The following AGBL1 variants were observed in gnomAD, a reference collection of about 807,000 sequenced individuals.
AGBL1 encodes AGBL carboxypeptidase 1.
AGBL1 carries 130 observed loss-of-function variants against 118.9 expected under a neutral mutation model. The ratio of observed to expected loss-of-function variants is 1.09; its 90% CI spans 0.95 to 1.26. The LOEUF is 1.26. AGBL1 is among the 50% of genes most tolerant of loss of function. AGBL1 has a pLI of 0.00. For synonymous variants in AGBL1, 555 were observed against 478.9 expected (o/e 1.16, Z -2.08); for missense variants, 1,584 against 1,298.1 (o/e 1.22, Z -3.38).
At chr15:86,159,306 A>G (rs1180206822) in intron 5 of AGBL1, among the ~76,000 whole-genome samples, 2 of 152,196 alleles carry the variant, frequency 1.3e-5, no homozygotes, top group Non-Finnish European at 2.9e-5. Flanking sequence ...TCCCTGTGGT[A>G]GCAAATAGTA....
At chr15:86,978,810 A>G (rs1166930488) in intron 23 of AGBL1, among the ~76,000 whole-genome samples, 1 of 152,158 alleles carries the variant, frequency 6.6e-6, no homozygotes, top group Non-Finnish European at 1.5e-5. Context: ...GCCTCTTACT[A>G]TGTCTTGTCA....
intron 21 of AGBL1, among the ~76,000 whole-genome samples, chr15:86,644,968 C>T (rs903999202): frequency 2.6e-5 from 4 of 151,684 alleles, no homozygotes; most frequent in South Asian, 4.2e-4. Context: ...TTGCAGCGAG[C>T]GGAGATCAAG....
At chr15:86,813,992 A>C (rs908731976) in intron 22 of AGBL1, among the ~76,000 whole-genome samples, 8 of 152,180 alleles carry the variant, frequency 5.3e-5, no homozygotes, top group African/African-American at 1.7e-4. Context: ...TCCCTGTCTC[A>C]TCTGCCAACT....
chr15:86,833,198 C>G (rs1188224962), intron 22 of AGBL1, among the ~76,000 whole-genome samples: 5 of 152,194 alleles, frequency 3.3e-5, no homozygotes, highest in East Asian at 2.0e-4. Flanking sequence ...TGGGACCCAG[C>G]CAAACCATAT....
At chr15:86,405,430 G>T (rs1245846385) in intron 18 of AGBL1, among the ~76,000 whole-genome samples, 1 of 151,936 alleles carries the variant, frequency 6.6e-6, no homozygotes, top group Non-Finnish European at 1.5e-5. Flanking sequence ...ACAGGAGAAT[G>T]GCATGAACCT....
At chr15:86,445,953 A>G (rs1296089706) in intron 18 of AGBL1, among the ~76,000 whole-genome samples, 1 of 152,208 alleles carries the variant, frequency 6.6e-6, no homozygotes, top group Non-Finnish European at 1.5e-5. Context: ...GTCAAAGAAC[A>G]TCTGTTATCC....
intron 18 of AGBL1, among the ~76,000 whole-genome samples, chr15:86,461,576 A>G (rs1792487449): frequency 6.6e-6 from 1 of 152,234 alleles, no homozygotes; most frequent in African/African-American, 2.4e-5. Context: ...ACGGCAATAT[A>G]TAAATGCTGA....
chr15:86,371,654 T>C (rs1399816860), intron 17 of AGBL1, among the ~76,000 whole-genome samples: 1 of 152,180 alleles, frequency 6.6e-6, no homozygotes, highest in Non-Finnish European at 1.5e-5. Context: ...TGTGAGGTTT[T>C]GGGGTCAAGA....
rs572568987 is a variant in AGBL1, at chr15:86,783,876, C to T, written c.3158+109440C>T. On this transcript the variant is annotated intron_variant, in intron 22 of 22. Coordinates refer to ENST00000614907, the MANE Select transcript of AGBL1 (RefSeq NM_001386094.1). ...GAATTCCTGACCTCAGGTGATTTGC[C>T]CACCTTGGCCTCCCAAAGTGCTGGG... Among the ~76,000 whole-genome samples, 76 of 152,236 alleles carry T rather than the reference C, an allele frequency of 5.0e-4. 1 individual carries two copies. Among genetic ancestry groups the T allele is most frequent in the African/African-American group, 1.8e-3 (74 of 41,556 alleles).
At chr15:86,822,793 A>G (rs374986043) in intron 22 of AGBL1, among the ~76,000 whole-genome samples, 2 of 152,114 alleles carry the variant, frequency 1.3e-5, no homozygotes, top group East Asian at 3.9e-4. Context: ...TACCCCTCAG[A>G]CCTAGCTAAA....
chr15:86,968,373 G>T (rs1158550517), intron 23 of AGBL1, among the ~76,000 whole-genome samples: 1 of 151,868 alleles, frequency 6.6e-6, no homozygotes, highest in Non-Finnish European at 1.5e-5. Context: ...GGAAAAAAAC[G>T]ACTTCTAAGC....
intron 17 of AGBL1, among the ~76,000 whole-genome samples, chr15:86,359,964 T>C (rs1422433824): frequency 6.6e-6 from 1 of 151,982 alleles, no homozygotes; most frequent in Non-Finnish European, 1.5e-5. Context: ...GTTTTCTACA[T>C]ATATATCATC....
At chr15:87,030,583 G>A (rs1394537839), downstream of AGBL1, among the ~76,000 whole-genome samples, 1 of 151,930 alleles carries the variant, frequency 6.6e-6, no homozygotes, top group East Asian at 1.9e-4. Context: ...GGAAAGAGTA[G>A]AGAAAATGAT....
intron 18 of AGBL1, among the ~76,000 whole-genome samples, chr15:86,482,616 C>T (rs1043874251): frequency 6.6e-6 from 1 of 151,878 alleles, no homozygotes; most frequent in Non-Finnish European, 1.5e-5. Context: ...GTGTGAAGAC[C>T]GTCTACTTGA....
chr15:86,256,699 G>A (rs1316631885), intron 7 of AGBL1, among the ~76,000 whole-genome samples, 154 bp from the exon 8 acceptor site: 1 of 152,226 alleles, frequency 6.6e-6, no homozygotes, highest in African/African-American at 2.4e-5. Flanking sequence ...TCTACATTAA[G>A]GCTGTTTACG....
At chr15:86,963,046 A>C (rs999917799) in intron 23 of AGBL1, among the ~76,000 whole-genome samples, 2 of 152,120 alleles carry the variant, frequency 1.3e-5, no homozygotes, top group Non-Finnish European at 2.9e-5. Context: ...AGCATAAACA[A>C]TGATATTAAA....
chr15:86,814,115 GC>G (rs771258306), intron 22 of AGBL1, among the ~76,000 whole-genome samples: 1 of 152,128 alleles, frequency 6.6e-6, no homozygotes, highest in Non-Finnish European at 1.5e-5. Flanking sequence ...TAGGAAGCAG[GC>G]CCCAGAGCAG....
chr15:86,982,063 A>G (rs2081236437), intron 23 of AGBL1, among the ~76,000 whole-genome samples: 1 of 152,206 alleles, frequency 6.6e-6, no homozygotes, highest in Non-Finnish European at 1.5e-5. Flanking sequence ...TTAAGAAATG[A>G]TCATCAAAAC....
rs16976020 is a variant in AGBL1 at position 86,344,200 on chromosome 15, A to G, written c.2374+48792A>G. 6.8e-3 allele frequency among the ~76,000 whole-genome samples: 1,031 copies of G among 152,350 alleles called. 86 individuals are homozygous for G. The East Asian group carries it at 0.16, about 24-fold the overall frequency. ...TGTACCAGGGTGATTTGGACAAAAA[A>G]GCAGAATTGTACCACGGGCCTTAGA... On this transcript the variant is annotated intron_variant, in intron 17 of 22. Transcript: ENST00000614907.
Sources: gnomAD v4.1 joint callset for allele counts (sites outside exome capture counted in the v4.1 genomes callset) on GRCh38, gnomAD v4.1.1 for gene constraint, MANE v1.5 for transcripts, NCBI Gene and HGNC (gene_info 2026-07-23, HGNC 2026-07-21) for gene names.